The following DLG2 variants were observed in gnomAD, a reference collection of about 807,000 sequenced individuals.
The protein encoded by DLG2 is discs large MAGUK scaffold protein 2.
DLG2 carries 45 observed loss-of-function variants against 132.5 expected under a neutral mutation model. The ratio of observed to expected loss-of-function variants is 0.34; its 90% CI spans 0.27 to 0.44. DLG2 has a LOEUF of 0.44. Among genes scored for constraint, DLG2 ranks in the 20% least tolerant of loss-of-function variants. DLG2 has a pLI of 1.00. For missense variants in DLG2, 1,045 were observed against 1,196.9 expected, an observed-to-expected ratio of 0.87 and a Z score of 1.87; for synonymous variants, 424 against 419.6, an observed-to-expected ratio of 1.01 and a Z score of -0.13.
In DLG2 at chr11:83,491,778, CT is replaced by C. The variant is rs199594141; in HGVS notation, c.2194-7551del. ...TCTCCCAAGGAAATAGAGACCTTCT[CT>C]TCTCTCTCATCTTGCACCCTTCTCC... On this transcript the variant is annotated intron_variant, in intron 21 of 27. Transcript: ENST00000376104. Among the ~76,000 whole-genome samples the C allele has an allele frequency of 9.7e-3, 1,479 of 152,006 alleles. 16 individuals carry two copies. The highest frequency in any genetic ancestry group is 0.03 in the African/African-American group (1,243 of 41,460).
chr11:84,841,394 T>C, intron 6 of DLG2, among the ~76,000 whole-genome samples: 1 of 152,030 alleles, frequency 6.6e-6, no homozygotes, highest in East Asian at 1.9e-4. Context: ...TTTTCCATGT[T>C]TCTATATATG....
chr11:85,243,007 T>A (rs945662161), intron 4 of DLG2, among the ~76,000 whole-genome samples: 5 of 151,966 alleles, frequency 3.3e-5, no homozygotes, highest in African/African-American at 1.2e-4. Flanking sequence ...GATCCAGGCA[T>A]TTGGTGTCCT....
chr11:83,619,122 T>C (rs1163079590), intron 19 of DLG2, among the ~76,000 whole-genome samples: 1 of 152,204 alleles, frequency 6.6e-6, no homozygotes, highest in Non-Finnish European at 1.5e-5. Flanking sequence ...ATCCTCTGTG[T>C]AGCATCCTGT....
Position 84,059,336 on chromosome 11 carries a change from T to C in DLG2, c.898A>G (p.Lys300Glu), listed in dbSNP as rs1477730705. The change falls in exon 11 of 28, where the codon AAA becomes GAA. Residue 300 changes from lysine to glutamate, a missense_variant. This residue lies in a region of DLG2 where 109 missense variants were observed against 159.1 expected (regional missense o/e 0.69). Transcript: ENST00000376104. ...RPILETVVEI[K>E]LFKGPKGLGF... ...TTACCTTTAGGGCCTTTGAACAGTTTGATTTCCACAACGGTCTCCAAAATA... is the reference window on the plus strand; with the variant it reads ...TTACCTTTAGGGCCTTTGAACAGTTCGATTTCCACAACGGTCTCCAAAATA... The C allele has an allele frequency of 6.2e-7, 1 of 1,613,516 alleles. No individual in the cohort carries two copies. The highest frequency in any genetic ancestry group is 1.3e-5 in the African/African-American group (1 of 74,884).
At chr11:85,519,614 A>G (rs769108178) in intron 3 of DLG2, among the ~76,000 whole-genome samples, 1 of 152,186 alleles carries the variant, frequency 6.6e-6, no homozygotes, top group Non-Finnish European at 1.5e-5. Context: ...ACTTCCGTTA[A>G]TGCTGAAATG....
rs71036428 is a variant in DLG2 at position 84,584,674 on chromosome 11, CTTTTTTTTTTTTTT to C, written c.358-49957_358-49944del. On this transcript the variant is annotated intron_variant, in intron 6 of 27. Transcript: ENST00000376104. ...AGCTGCTGTACCTGGCCCAGCATTC[CTTTTTTTTTTTTTT>C]TTTTTTTTTTTTTTTTTTGAGACGG... 3.4e-4 allele frequency among the ~76,000 whole-genome samples: 19 copies of C among 55,862 alleles called. No individual in the cohort carries two copies. In the East Asian group the frequency reaches 7.5e-3, roughly 22 times the overall value. The allele number at this position is 55,862 out of a possible 152,430, so 36.6% of individuals were successfully genotyped here. A position where few individuals can be genotyped will look rare whatever the true frequency, so the allele number is the denominator to read the frequency against.
At chr11:84,123,745 C>G (rs1375379628) in intron 9 of DLG2, among the ~76,000 whole-genome samples, 3 of 152,172 alleles carry the variant, frequency 2.0e-5, no homozygotes, top group Admixed American at 6.5e-5. Context: ...CAAAAGGCAA[C>G]TAAGTACATA....
intron 3 of DLG2, among the ~76,000 whole-genome samples, chr11:85,466,824 T>C (rs576843523): frequency 1.6e-4 from 24 of 152,314 alleles, no homozygotes; most frequent in African/African-American, 5.8e-4. Flanking sequence ...AACTTTAAAG[T>C]AGTGTTTTCC....
chr11:84,515,807 G>A (rs961857487), intron 7 of DLG2, among the ~76,000 whole-genome samples: 2 of 151,700 alleles, frequency 1.3e-5, no homozygotes, highest in South Asian at 2.1e-4. Context: ...TGCACATAGA[G>A]CATTTTCCAA....
At chr11:85,220,005 T>TATTC (rs1565175914) in intron 4 of DLG2, among the ~76,000 whole-genome samples, 1 of 152,140 alleles carries the variant, frequency 6.6e-6, no homozygotes, top group South Asian at 2.1e-4. Flanking sequence ...TTGGAGAGTT[T>TATTC]ATTCATTCAT....
chr11:85,128,403 C>A (rs1158266912), intron 5 of DLG2, among the ~76,000 whole-genome samples: 5 of 152,078 alleles, frequency 3.3e-5, no homozygotes, highest in Non-Finnish European at 7.4e-5. Flanking sequence ...ATAAAATATA[C>A]TCATTTTAAA....
intron 21 of DLG2, among the ~76,000 whole-genome samples, chr11:83,497,554 C>CA (rs1440572874): frequency 1.3e-5 from 2 of 151,120 alleles, no homozygotes; most frequent in East Asian, 1.9e-4. Context: ...AAACAAAAAA[C>CA]AAAAAACAAA....
At chr11:85,480,901 TAA>T (rs1005880800) in intron 3 of DLG2, among the ~76,000 whole-genome samples, 18 of 152,218 alleles carry the variant, frequency 1.2e-4, no homozygotes, top group African/African-American at 4.1e-4. Context: ...CACATTTAAG[TAA>T]AACTCTTTCA....
chr11:85,483,003 A>G (rs535002788), intron 3 of DLG2, among the ~76,000 whole-genome samples: 1 of 152,366 alleles, frequency 6.6e-6, no homozygotes, highest in South Asian at 2.1e-4. Flanking sequence ...AAGATTTCAT[A>G]AAGGAGAAAA....
At position 83,459,680 on chromosome 11, in the gene DLG2, T is replaced by C. The variant is rs45591844; in HGVS notation, c.*138A>G. 15,915 of 596,742 alleles carry C rather than the reference T, an allele frequency of 0.027. 300 individuals are homozygous for C. Among genetic ancestry groups the C allele is most frequent in the Non-Finnish European group, 0.035 (11,700 of 332,078 alleles). 37.0% of individuals were successfully genotyped at this position (596,742 alleles called of 1,614,324 possible). A position where few individuals can be genotyped will look rare whatever the true frequency, so the allele number is the denominator to read the frequency against. On this transcript the variant is annotated 3_prime_UTR_variant, in exon 28 of 28. Coordinates refer to ENST00000376104, the MANE Select transcript of DLG2 (RefSeq NM_001142699.3). ...TTCCTTCATGGCTTCATACAGTTTG[T>C]GTTGTACATTCGTAAGAATTCACAT... is the stretch of plus-strand genomic sequence containing the variant.
chr11:85,616,807 G>A (rs1171873936), intron 2 of DLG2, among the ~76,000 whole-genome samples: 1 of 152,168 alleles, frequency 6.6e-6, no homozygotes, highest in African/African-American at 2.4e-5. Flanking sequence ...CAAGACCCAA[G>A]AGGAATGGCA....
intron 18 of DLG2, among the ~76,000 whole-genome samples, chr11:83,779,047 A>G (rs976217016): frequency 2.6e-5 from 4 of 152,182 alleles, no homozygotes; most frequent in African/African-American, 7.2e-5. Flanking sequence ...AGAGTCATGT[A>G]AAGTTTTATT....
At chr11:84,623,716 T>C (rs2099617689) in intron 6 of DLG2, among the ~76,000 whole-genome samples, 1 of 152,152 alleles carries the variant, frequency 6.6e-6, no homozygotes, top group Admixed American at 6.5e-5. Context: ...CACATAGTAT[T>C]TAATAAACAA....
chr11:84,920,615 C>T (rs2092707260), intron 6 of DLG2, among the ~76,000 whole-genome samples: 1 of 152,120 alleles, frequency 6.6e-6, no homozygotes, highest in Non-Finnish European at 1.5e-5. Flanking sequence ...GTTTCCAAGA[C>T]TCTAACATAG....
Sources: gnomAD v4.1 joint callset for allele counts (sites outside exome capture counted in the v4.1 genomes callset) on GRCh38, gnomAD v4.1.1 for gene constraint, gnomAD v4.1.1 regional missense constraint, MANE v1.5 for transcripts, NCBI Gene and HGNC (gene_info 2026-07-23, HGNC 2026-07-21) for gene names.